Variants in RASA3 observed in about 807,000 individuals in gnomAD.
RASA3 encodes the protein RAS p21 protein activator 3, also known as ras GTPase-activating protein 3.
A neutral mutation model predicts 110.0 loss-of-function variants in RASA3; 73 were observed. That is an observed-to-expected ratio of 0.66 (90% confidence interval 0.55 to 0.81). The LOEUF (loss-of-function observed/expected upper bound fraction) is 0.81, where lower values mean the gene tolerates loss of function less well. RASA3 is among the 30% of genes least tolerant of loss of function. The probability of loss-of-function intolerance (pLI) is 0.00; values close to 1 mark genes in which losing one functional copy is unlikely to be tolerated. For synonymous variants in RASA3, 500 were observed against 451.4 expected, an observed-to-expected ratio of 1.11 and a Z score of -1.37; for missense variants, 976 against 1,113.2, an observed-to-expected ratio of 0.88 and a Z score of 1.75.
At chr13:113,993,834 AAAG>A (rs2053175434) in intron 21 of RASA3, among the ~76,000 whole-genome samples, 1 of 150,384 alleles carries the variant, frequency 6.6e-6, no homozygotes, top group Non-Finnish European at 1.5e-5. Flanking sequence ...AAAAAAAAGA[AAAG>A]AAAAGAAAAT....
chr13:114,037,946 G>T (rs950650278), intron 4 of RASA3, among the ~76,000 whole-genome samples: 2 of 152,108 alleles, frequency 1.3e-5, no homozygotes, highest in Admixed American at 1.3e-4. Flanking sequence ...ACGGCCTTCC[G>T]TTCGGGGGAG....
At chr13:114,013,538 C>T (rs954093236) in intron 14 of RASA3, among the ~76,000 whole-genome samples, 1 of 147,568 alleles carries the variant, frequency 6.8e-6, no homozygotes, top group Non-Finnish European at 1.5e-5. Context: ...CTCTGTCTCT[C>T]TCCCTCTCTT....
Position 114,029,889 on chromosome 13 carries a change from T to G in RASA3, c.373-2A>C. 6.4e-7 allele frequency: 1 copy of G among 1,554,902 alleles called. No individual in the cohort carries two copies. Among genetic ancestry groups the G allele is most frequent in the Non-Finnish European group, 8.7e-7 (1 of 1,151,714 alleles). On this transcript the variant is annotated splice_acceptor_variant, in intron 4 of 23. Transcript: ENST00000334062. LOFTEE classifies it high-confidence loss of function. ...CCGCAGCTCCAGGTGCACTTTGCCC[T>G]GCAAGGCACAAGGATGGGGTGTCAG...
Position 114,021,516 on chromosome 13 carries a change from A to T in RASA3, c.681-8T>A. The T allele has an allele frequency of 6.2e-7, 1 of 1,612,276 alleles. No homozygotes were observed. The highest frequency in any genetic ancestry group is 8.5e-7 in the Non-Finnish European group (1 of 1,178,668). ...GCATTCCAGAGGTCAACTCTGAAAA[A>T]CAGCATCAGGACAGCTCTAGCTGAC... On this transcript the variant is annotated splice_polypyrimidine_tract_variant and splice_region_variant and intron_variant, in intron 8 of 23. Transcript: ENST00000334062.
chr13:114,088,335 C>T (rs969789047), intron 1 of RASA3, among the ~76,000 whole-genome samples: 3 of 152,182 alleles, frequency 2.0e-5, no homozygotes, highest in East Asian at 1.9e-4. Flanking sequence ...GTTCTGCTCA[C>T]TCTCAGGGCC....
chr13:114,122,786 G>C (rs915238529), intron 1 of RASA3, among the ~76,000 whole-genome samples: 1 of 151,996 alleles, frequency 6.6e-6, no homozygotes, highest in East Asian at 1.9e-4. Flanking sequence ...GGGGGTCTCC[G>C]GCAGGTCGGC....
At chr13:114,116,669 A>C (rs538126905) in intron 1 of RASA3, among the ~76,000 whole-genome samples, 1 of 152,384 alleles carries the variant, frequency 6.6e-6, no homozygotes, top group East Asian at 1.9e-4. Flanking sequence ...TTAACTCTGC[A>C]AATACAGTTT....
chr13:114,125,589 T>C (rs573078187), intron 1 of RASA3, among the ~76,000 whole-genome samples: 1 of 152,136 alleles, frequency 6.6e-6, no homozygotes, highest in African/African-American at 2.4e-5. Context: ...AACGACGGGG[T>C]GACAGTTCGA....
intron 23 of RASA3, 42 bp downstream of exon 23, chr13:113,981,633 A>G: frequency 6.6e-7 from 1 of 1,514,546 alleles, no homozygotes; most frequent in Non-Finnish European, 9.0e-7. Context: ...TCTCCCGCCC[A>G]CTACACTGGC....
intron 22 of RASA3, among the ~76,000 whole-genome samples, chr13:113,992,140 T>C (rs904198242): frequency 2.0e-5 from 3 of 152,192 alleles, no homozygotes; most frequent in African/African-American, 7.2e-5. Context: ...TCCGCACACA[T>C]GCAAGCACAC....
intron 9 of RASA3, among the ~76,000 whole-genome samples, chr13:114,019,376 G>T (rs530626516): frequency 1.3e-5 from 2 of 152,244 alleles, no homozygotes; most frequent in African/African-American, 4.8e-5. Context: ...TGTAAGAGAC[G>T]TTTTCTGCCC....
chr13:114,047,072 T>C (rs984168233), intron 3 of RASA3, among the ~76,000 whole-genome samples: 1 of 152,126 alleles, frequency 6.6e-6, no homozygotes, highest in Non-Finnish European at 1.5e-5. Context: ...TGTGATAAAC[T>C]GGACCATCGA....
intron 1 of RASA3, among the ~76,000 whole-genome samples, chr13:114,119,056 C>A (rs1448473763): frequency 6.6e-6 from 1 of 152,018 alleles, no homozygotes; most frequent in African/African-American, 2.4e-5. Flanking sequence ...TCTCCACCCC[C>A]CGCTTTCCTC....
intron 4 of RASA3, 55 bp downstream of exon 4, chr13:114,040,945 G>T: frequency 1.3e-6 from 2 of 1,555,140 alleles, no homozygotes; most frequent in East Asian, 4.5e-5. Flanking sequence ...GGCCCGTCTC[G>T]AAGCCCCATG....
chr13:114,087,390 G>C (rs1327100768), intron 1 of RASA3, among the ~76,000 whole-genome samples: 1 of 152,352 alleles, frequency 6.6e-6, no homozygotes, highest in African/African-American at 2.4e-5. Context: ...TATGTGATGG[G>C]ATTCTGAATG....
intron 1 of RASA3, among the ~76,000 whole-genome samples, chr13:114,091,411 G>A (rs2079888424): frequency 6.6e-6 from 1 of 151,870 alleles, no homozygotes; most frequent in African/African-American, 2.4e-5. Flanking sequence ...AATCTGTTGA[G>A]TTTTTGTCAT....
At position 114,071,629 on chromosome 13, in the gene RASA3, G is replaced by C. The variant is rs145116606; in HGVS notation, c.173+2091C>G. Among the ~76,000 whole-genome samples the C allele has an allele frequency of 5.7e-3, 873 of 152,284 alleles. 1 individual carries two copies. Among genetic ancestry groups the C allele is most frequent in the African/African-American group, 0.017 (697 of 41,542 alleles). On this transcript the variant is annotated intron_variant, in intron 2 of 23. Coordinates refer to ENST00000334062, the MANE Select transcript of RASA3 (RefSeq NM_007368.4). ...CAAGACACTCTCATAAAGCCAGACT[G>C]GGCGCCTGACAATGCCCCTCAGCCT... is the stretch of plus-strand genomic sequence containing the variant.
In RASA3 at chr13:114,056,486, C is replaced by T. The variant is rs893452857; in HGVS notation, c.174-4331G>A. The T allele has an allele frequency of 9.1e-6, 9 of 985,254 alleles. No individual in the cohort carries two copies. Among genetic ancestry groups the T allele is most frequent in the Admixed American group, 6.2e-5 (1 of 16,260 alleles). The allele number at this position is 985,254 out of a possible 1,614,324, so 61.0% of individuals were successfully genotyped here. On this transcript the variant is annotated intron_variant, in intron 2 of 23. Transcript: ENST00000334062. The surrounding 1 kb of genome is among the most constrained non-coding windows in gnomAD (Gnocchi z 5.7). ...GGCTTGGGCAGCAGGGCTGAGAGTG[C>T]GGCGTCCCTGGGCGCTGCCCGGTAG...
At chr13:114,041,207 G>C in intron 3 of RASA3, 113 bp from the exon 4 acceptor site, 1 of 935,806 alleles carries the variant, frequency 1.1e-6, no homozygotes, top group Non-Finnish European at 1.7e-6. Context: ...GTTTAATTCA[G>C]AATGGGGCAC....
Sources: allele counts gnomAD v4.1 joint callset (sites outside exome capture counted in the v4.1 genomes callset), GRCh38; gene constraint gnomAD v4.1.1; non-coding constraint Gnocchi (gnomAD v3.1); transcripts MANE v1.5; gene names NCBI Gene and HGNC (gene_info 2026-07-23, HGNC 2026-07-21).